FABP6: variants seen among roughly 807,000 people sequenced by gnomAD.
FABP6 encodes gastrotropin.
FABP6 carries 13 observed loss-of-function variants against 14.9 expected under a neutral mutation model. That is an observed-to-expected ratio of 0.87 (90% confidence interval 0.57 to 1.39). The LOEUF (loss-of-function observed/expected upper bound fraction) is 1.39, where lower values mean the gene tolerates loss of function less well. Ranked by LOEUF, FABP6 falls within the 40% of genes most tolerant of loss-of-function variation. The probability of loss-of-function intolerance (pLI) is 0.00; values close to 1 mark genes in which losing one functional copy is unlikely to be tolerated. For synonymous variants in FABP6, 75 were observed against 63.6 expected, an observed-to-expected ratio of 1.18 and a Z score of -0.85; for missense variants, 161 against 167.2, an observed-to-expected ratio of 0.96 and a Z score of 0.20.
chr5:160,225,903 G>C (rs958297519), upstream of FABP6, among the ~76,000 whole-genome samples: 6 of 152,158 alleles, frequency 3.9e-5, no homozygotes, highest in Non-Finnish European at 7.3e-5. Flanking sequence ...GCCGGGCAGG[G>C]TGGCTCACAC....
At chr5:160,222,416 C>T (rs1008735447) in intron 3 of FABP6, among the ~76,000 whole-genome samples, 9 of 152,128 alleles carry the variant, frequency 5.9e-5, no homozygotes, top group Non-Finnish European at 1.3e-4. Flanking sequence ...TCACTGCAAC[C>T]TCCGCCTCCC....
upstream of FABP6, among the ~76,000 whole-genome samples, chr5:160,229,266 G>A (rs1390573657): frequency 6.6e-6 from 1 of 152,192 alleles, no homozygotes; most frequent in South Asian, 2.1e-4. Flanking sequence ...AACGGAGGGA[G>A]AGATGGGCAG....
Position 160,187,865 on chromosome 5 carries a change from G to A in FABP6, c.-59+411G>A, listed in dbSNP as rs184010204. ...CCTCCCGAGTTCAAGCGATTCTTCT[G>A]CCTCAGCCTCCCAAGTAGCTGGGAT... On this transcript the variant is annotated intron_variant, in intron 1 of 6. Coordinates refer to the FABP6 transcript ENST00000393980. Among the ~76,000 whole-genome samples, 270 of 152,164 alleles carry A rather than the reference G, an allele frequency of 1.8e-3. 3 individuals carry two copies. In the East Asian group the frequency reaches 0.043, roughly 24 times the overall value.
intron 2 of FABP6, among the ~76,000 whole-genome samples, chr5:160,208,787 T>A (rs1204277182): frequency 6.6e-6 from 1 of 151,506 alleles, no homozygotes; most frequent in Non-Finnish European, 1.5e-5. Flanking sequence ...CTTTTCTTTT[T>A]TTTTTTTTGT....
At chr5:160,217,832 G>A (rs1340454186) in intron 3 of FABP6, among the ~76,000 whole-genome samples, 1 of 151,690 alleles carries the variant, frequency 6.6e-6, no homozygotes, top group Non-Finnish European at 1.5e-5. Context: ...TTGTAGAGAT[G>A]GGGTCTCCCT....
intron 2 of FABP6, among the ~76,000 whole-genome samples, chr5:160,210,394 T>G (rs574506203): frequency 6.6e-6 from 1 of 152,308 alleles, no homozygotes; most frequent in East Asian, 1.9e-4. Flanking sequence ...TGAACTGTGG[T>G]ACAAGTTACC....
chr5:160,221,920 CT>C (rs1760135885), intron 3 of FABP6, among the ~76,000 whole-genome samples: 1 of 152,160 alleles, frequency 6.6e-6, no homozygotes, highest in South Asian at 2.1e-4. Context: ...GCAGCTGGCT[CT>C]GGAAAATGAG....
intron 3 of FABP6, among the ~76,000 whole-genome samples, chr5:160,221,296 G>T (rs1760123321): frequency 6.6e-6 from 1 of 151,946 alleles, no homozygotes. Context: ...CAGGCTCTGG[G>T]GATTTTTGCA....
intron 3 of FABP6, among the ~76,000 whole-genome samples, chr5:160,238,404 C>G (rs529166799): frequency 6.4e-4 from 97 of 152,294 alleles, no homozygotes; most frequent in Non-Finnish European, 1.1e-3. Context: ...GCCACATCAC[C>G]CCTCACAGCT....
intron 2 of FABP6, among the ~76,000 whole-genome samples, chr5:160,205,168 C>T (rs746007787): frequency 2.0e-4 from 30 of 151,830 alleles, no homozygotes; most frequent in Non-Finnish European, 3.1e-4. Context: ...GGCATGGGAC[C>T]CAAGGCCTCC....
intron 2 of FABP6, among the ~76,000 whole-genome samples, chr5:160,233,612 C>A (rs1384992726): frequency 6.6e-6 from 1 of 152,132 alleles, no homozygotes; most frequent in African/African-American, 2.4e-5. Flanking sequence ...CGGTGGCTCA[C>A]GCCTGTAATC....
At chr5:160,219,687 GA>G (rs11362373) in intron 3 of FABP6, among the ~76,000 whole-genome samples, 137,535 of 152,058 alleles carry the variant, frequency 0.9, 62,302 homozygotes, top group Non-Finnish European at 0.92. Context: ...AGCAACTAAG[GA>G]AAAAAACAGC....
chr5:160,194,869 G>A (rs1467535129), intron 1 of FABP6, among the ~76,000 whole-genome samples: 3 of 152,068 alleles, frequency 2.0e-5, no homozygotes, highest in Non-Finnish European at 4.4e-5. Flanking sequence ...ATTTGTTCCC[G>A]GAAAGCAGGG....
intron 1 of FABP6, among the ~76,000 whole-genome samples, chr5:160,187,826 A>C (rs1371522531): frequency 6.6e-6 from 1 of 151,988 alleles, no homozygotes; most frequent in Non-Finnish European, 1.5e-5. Flanking sequence ...TATCTCGGCT[A>C]ACCACAACCT....
chr5:160,231,754 A>G (rs1417704593), intron 1 of FABP6, among the ~76,000 whole-genome samples: 1 of 152,124 alleles, frequency 6.6e-6, no homozygotes, highest in Non-Finnish European at 1.5e-5. Context: ...TTATATTTAT[A>G]TTACTATCAG....
chr5:160,204,436 C>T (rs1215945957), intron 2 of FABP6, among the ~76,000 whole-genome samples: 1 of 152,120 alleles, frequency 6.6e-6, no homozygotes, highest in East Asian at 1.9e-4. Context: ...ACGTGCTCAG[C>T]CCATGTCTTT....
intron 3 of FABP6, among the ~76,000 whole-genome samples, chr5:160,215,061 A>C (rs977439977): frequency 1.3e-5 from 2 of 152,206 alleles, no homozygotes; most frequent in African/African-American, 4.8e-5. Flanking sequence ...TCATGTTAAC[A>C]CATAGTTTTG....
chr5:160,237,713 G>C (rs545123777), intron 3 of FABP6, among the ~76,000 whole-genome samples: 28 of 152,042 alleles, frequency 1.8e-4, no homozygotes, highest in Non-Finnish European at 4.0e-4. Context: ...TCCTCCGCTT[G>C]ACCTTCCACG....
chr5:160,237,628 C>G (rs970700544), intron 3 of FABP6, among the ~76,000 whole-genome samples: 17 of 152,234 alleles, frequency 1.1e-4, no homozygotes, highest in South Asian at 2.1e-4. Context: ...ACCTCTCCCC[C>G]ACCTTCCATC....
Sources: allele counts gnomAD v4.1 joint callset (sites outside exome capture counted in the v4.1 genomes callset), GRCh38; gene constraint gnomAD v4.1.1; transcripts MANE v1.5; gene names NCBI Gene and HGNC (gene_info 2026-07-23, HGNC 2026-07-21).